Variants in TRIM4 observed in about 807,000 individuals in gnomAD.
TRIM4 encodes the protein tripartite motif containing 4, also known as E3 ubiquitin-protein ligase TRIM4.
Under a neutral mutation model 33.7 loss-of-function variants are expected in TRIM4, and 29 were observed. The ratio of observed to expected loss-of-function variants is 0.86; its 90% CI spans 0.64 to 1.17. TRIM4 has a LOEUF of 1.17. Among genes scored for constraint, TRIM4 ranks in the 50% most tolerant of loss-of-function variants. The pLI is 0.00. For synonymous variants in TRIM4, 224 were observed against 233.0 expected, an observed-to-expected ratio of 0.96 and a Z score of 0.35; for missense variants, 554 against 593.7, an observed-to-expected ratio of 0.93 and a Z score of 0.69.
chr7:99,891,967 C>T lies in TRIM4; in HGVS notation c.*196G>A. The T allele has an allele frequency of 1.9e-6, 1 of 516,470 alleles. No individual in the cohort carries two copies. Among genetic ancestry groups the T allele is most frequent in the Non-Finnish European group, 3.3e-6 (1 of 299,262 alleles). 32.0% of individuals were successfully genotyped at this position (516,470 alleles called of 1,614,324 possible). A position where few individuals can be genotyped will look rare whatever the true frequency, so the allele number is the denominator to read the frequency against. The stretch of plus-strand genomic sequence containing the variant: ...CGTCTTGGAAAATTTCCTGTCCCAT[C>T]TCCATTGGCCAGACCCACCTCCCAT... On this transcript the variant is annotated 3_prime_UTR_variant, in exon 6 of 6. Transcript: ENST00000349062.
rs777192846 is a variant in TRIM4, at chr7:99,909,564, C to G, written c.489+1G>C. On this transcript the variant is annotated splice_donor_variant, in intron 2 of 5. Coordinates refer to ENST00000349062, the MANE Select transcript of TRIM4 (RefSeq NM_033091.3). LOFTEE classifies it high-confidence loss of function. ...AAATATCCAACCACTTCTGCCATTA[C>G]CTTCCACTGTGTGGCGTTCTTCACT... is the stretch of plus-strand genomic sequence containing the variant. The G allele has an allele frequency of 2.5e-6, 4 of 1,613,480 alleles. No individual in the cohort carries two copies. Among genetic ancestry groups the G allele is most frequent in the African/African-American group, 2.7e-5 (2 of 74,978 alleles).
intron 3 of TRIM4, among the ~76,000 whole-genome samples, chr7:99,905,779 T>A (rs1177841473): frequency 1.3e-5 from 2 of 152,214 alleles, no homozygotes; most frequent in African/African-American, 4.8e-5. Flanking sequence ...CATGGATTCA[T>A]CTCACAAACG....
chr7:99,918,359 C>G (rs7809747), intron 1 of TRIM4, among the ~76,000 whole-genome samples: 98,677 of 152,070 alleles, frequency 0.65, 33,949 homozygotes, highest in African/African-American at 0.88. Context: ...TTGAGGTCAG[C>G]AGTTCGAGAC....
chr7:99,899,411 A>G (rs532992592), intron 5 of TRIM4, among the ~76,000 whole-genome samples: 3 of 152,294 alleles, frequency 2.0e-5, no homozygotes, highest in African/African-American at 7.2e-5. Context: ...CCCTGCATGT[A>G]GGTCTTCAAT....
intron 1 of TRIM4, chr7:99,916,725 G>A (rs904545162): frequency 1.3e-6 from 1 of 780,856 alleles, no homozygotes; most frequent in Non-Finnish European, 2.4e-6. Context: ...TGGTACAAGA[G>A]CAGCCTAATT....
chr7:99,908,813 C>T lies in TRIM4; in HGVS notation c.490-1G>A, dbSNP rs776923095. The stretch of plus-strand genomic sequence containing the variant: ...TCATTCGCTGACTCTTTATCTTATC[C>T]TAAGGCCACATGAGATTTGCTCACT... On this transcript the variant is annotated splice_acceptor_variant, in intron 2 of 5. Coordinates refer to ENST00000349062, the MANE Select transcript of TRIM4 (RefSeq NM_033091.3). LOFTEE classifies it high-confidence loss of function. 6.2e-7 allele frequency: 1 copy of T among 1,612,574 alleles called. No homozygotes were observed. Among genetic ancestry groups the T allele is most frequent in the Non-Finnish European group, 8.5e-7 (1 of 1,179,542 alleles).
Position 99,890,846 on chromosome 7 carries a change from C to T in TRIM4, c.*1317G>A, listed in dbSNP as rs1818877348. 6.6e-6 allele frequency: 1 copy of T among 152,182 alleles called. No homozygotes were observed. The highest frequency in any genetic ancestry group is 6.5e-5 in the Admixed American group (1 of 15,286). 9.4% of individuals were successfully genotyped at this position (152,182 alleles called of 1,614,324 possible). A position where few individuals can be genotyped will look rare whatever the true frequency, so the allele number is the denominator to read the frequency against. ...CATGTAATTGATCTATAGAACAAAC[C>T]TGCACGTGTTCCCCTTAAACTAAAA... On this transcript the variant is annotated 3_prime_UTR_variant, in exon 6 of 6. Transcript: ENST00000349062.
chr7:99,892,062 G>T lies in TRIM4; in HGVS notation c.*101C>A. On this transcript the variant is annotated 3_prime_UTR_variant, in exon 6 of 6. Coordinates refer to ENST00000349062, the MANE Select transcript of TRIM4 (RefSeq NM_033091.3). ...TACCGTTAGGGAGACCCAGAAGATG[G>T]ACCATCCAGGATAGAGACATGAAGG... 1 of 1,071,208 alleles carries T rather than the reference G, an allele frequency of 9.3e-7. No homozygotes were observed. The highest frequency in any genetic ancestry group is 1.3e-6 in the Non-Finnish European group (1 of 758,486). The allele number at this position is 1,071,208 out of a possible 1,614,324, so 66.4% of individuals were successfully genotyped here.
chr7:99,895,915 T>C (rs1403325541), intron 5 of TRIM4, among the ~76,000 whole-genome samples: 4 of 152,270 alleles, frequency 2.6e-5, no homozygotes, highest in African/African-American at 9.6e-5. Flanking sequence ...TCATATTTAA[T>C]GTGTTTCTTT....
At chr7:99,916,689 A>C (rs1819561893) in intron 1 of TRIM4, 1 of 780,706 alleles carries the variant, frequency 1.3e-6, no homozygotes, top group Admixed American at 1.7e-5. Flanking sequence ...GAACTAATTC[A>C]GGTCTTTATT....
intron 2 of TRIM4, among the ~76,000 whole-genome samples, chr7:99,909,214 C>T (rs1296339194): frequency 3.3e-5 from 5 of 150,958 alleles, no homozygotes; most frequent in African/African-American, 9.8e-5. Flanking sequence ...GGGCCCAAAC[C>T]GACTCTAACC....
intron 5 of TRIM4, among the ~76,000 whole-genome samples, chr7:99,895,936 A>C (rs1563083197): frequency 6.6e-6 from 1 of 152,006 alleles, no homozygotes; most frequent in Non-Finnish European, 1.5e-5. Flanking sequence ...TCCAGTAAAA[A>C]ATTGGGTCTT....
chr7:99,908,527 C>A (rs376972342), intron 3 of TRIM4, 55 bp downstream of exon 3: 2 of 1,398,314 alleles, frequency 1.4e-6, no homozygotes, highest in South Asian at 1.3e-5. Flanking sequence ...GCTCTAAAGA[C>A]AAGAGAGAGT....
chr7:99,896,842 C>G (rs1819027185), intron 5 of TRIM4, among the ~76,000 whole-genome samples: 1 of 152,222 alleles, frequency 6.6e-6, no homozygotes, highest in Non-Finnish European at 1.5e-5. Flanking sequence ...GGGGGTGGAT[C>G]CAACTAAGGG....
chr7:99,919,353 C>G lies in TRIM4; in HGVS notation c.49G>C (p.Asp17His). 1 of 1,578,228 alleles carries G rather than the reference C, an allele frequency of 6.3e-7. No individual in the cohort carries two copies. The highest frequency in any genetic ancestry group is 1.1e-5 in the South Asian group (1 of 86,980). ...ATGGACACCGGGTCCTGGAAATAGT[C>G]CAGGCAGATGGGGCAGGTCAACTCC... ...QEELTCPICLDYFQDPVSIEC... is the reference protein window; with the variant it reads ...QEELTCPICLHYFQDPVSIEC... The change falls in exon 1 of 6, where the codon GAC becomes CAC. Residue 17 changes from aspartate to histidine, a missense_variant. Transcript: ENST00000349062.
At chr7:99,902,012 G>T in intron 5 of TRIM4, 1 of 696,302 alleles carries the variant, frequency 1.4e-6, no homozygotes. Flanking sequence ...GCCTTACATG[G>T]TCTGGAAACT....
intron 3 of TRIM4, among the ~76,000 whole-genome samples, chr7:99,907,335 C>A (rs1392881675): frequency 6.6e-6 from 1 of 152,208 alleles, no homozygotes; most frequent in Non-Finnish European, 1.5e-5. Flanking sequence ...GTCTCAAACT[C>A]CTGACCTCAG....
chr7:99,916,680 A>T, intron 1 of TRIM4: 1 of 780,650 alleles, frequency 1.3e-6, no homozygotes, highest in Middle Eastern at 2.3e-4. Flanking sequence ...CCCTGCCCTG[A>T]ACTAATTCAG....
intron 5 of TRIM4, among the ~76,000 whole-genome samples, chr7:99,898,377 T>C (rs1033698270): frequency 1.3e-5 from 2 of 152,188 alleles, no homozygotes; most frequent in Non-Finnish European, 2.9e-5. Context: ...CCCACAGCAA[T>C]GCAACCAATC....
Sources: allele counts gnomAD v4.1 joint callset (sites outside exome capture counted in the v4.1 genomes callset), GRCh38; gene constraint gnomAD v4.1.1; transcripts MANE v1.5; gene names NCBI Gene and HGNC (gene_info 2026-07-23, HGNC 2026-07-21).